Variants in PCDHGA11 observed in about 807,000 individuals in gnomAD.
PCDHGA11 encodes protocadherin gamma-A11.
PCDHGA11 carries 39 observed loss-of-function variants against 60.4 expected under a neutral mutation model. The ratio of observed to expected loss-of-function variants is 0.65; its 90% CI spans 0.50 to 0.84. PCDHGA11 has a LOEUF of 0.84. Among genes scored for constraint, PCDHGA11 ranks in the 40% least tolerant of loss-of-function variants. The probability of loss-of-function intolerance (pLI) is 0.00; values close to 1 mark genes in which losing one functional copy is unlikely to be tolerated. For synonymous variants in PCDHGA11, 533 were observed against 510.3 expected (o/e 1.04, Z -0.60); for missense variants, 1,165 against 1,197.7 (o/e 0.97, Z 0.40).
chr5:141,456,975 A>T (rs1240583336), intron 1 of PCDHGA11, among the ~76,000 whole-genome samples: 1 of 152,178 alleles, frequency 6.6e-6, no homozygotes, highest in East Asian at 1.9e-4. Flanking sequence ...AACAAAACAA[A>T]CAAACAAACA....
Position 141,487,910 on chromosome 5 carries a change from C to T in PCDHGA11, c.2434-6897C>T, listed in dbSNP as rs2099668803. The T allele has an allele frequency of 3.0e-6, 2 of 661,468 alleles. No individual in the cohort carries two copies. Among genetic ancestry groups the T allele is most frequent in the Non-Finnish European group, 5.1e-6 (2 of 388,904 alleles). The allele number at this position is 661,468 out of a possible 1,614,324, so 41.0% of individuals were successfully genotyped here. ...AGCATGATGATGGAATGTGGGAGCA[C>T]AGGAGGCTACAGTGCACAGGGTACA... On this transcript the variant is annotated intron_variant, in intron 1 of 3. Transcript: ENST00000398587. The surrounding 1 kb of genome is among the most constrained non-coding windows in gnomAD (Gnocchi z 5.0).
Position 141,476,698 on chromosome 5 carries a change from G to C in PCDHGA11, c.2434-18109G>C, listed in dbSNP as rs2075661. Reference sequence around the variant, plus strand: ...CGCGGGAGGACAGCACCAAGTACGCGGAGCTGGTGTTGGAGCGCGCCCTGG... The same window carrying C: ...CGCGGGAGGACAGCACCAAGTACGCCGAGCTGGTGTTGGAGCGCGCCCTGG... On this transcript the variant is annotated intron_variant, in intron 1 of 3. Transcript: ENST00000398587. The surrounding 1 kb of genome is among the most constrained non-coding windows in gnomAD (Gnocchi z 7.6). The C allele has an allele frequency of 0.2, 326,683 of 1,614,030 alleles. 35,085 individuals carry two copies. Among genetic ancestry groups the C allele is most frequent in the Admixed American group, 0.37 (22,021 of 59,992 alleles).
intron 2 of PCDHGA11, among the ~76,000 whole-genome samples, chr5:141,502,239 A>G (rs2099813426): frequency 6.6e-6 from 1 of 152,148 alleles, no homozygotes; most frequent in Admixed American, 6.5e-5. Flanking sequence ...GTGTTCTTTT[A>G]TCCTTTTTTT....
At chr5:141,502,978 G>T (rs1004984942) in intron 2 of PCDHGA11, among the ~76,000 whole-genome samples, 1 of 150,096 alleles carries the variant, frequency 6.7e-6, no homozygotes, top group Non-Finnish European at 1.5e-5. Context: ...CAAGTAGCTG[G>T]GATTACAGGC....
rs909255357 is a variant in PCDHGA11 at position 141,489,178 on chromosome 5, C to A, written c.2434-5629C>A. 5 of 1,234,744 alleles carry A rather than the reference C, an allele frequency of 4.0e-6. No individual in the cohort carries two copies. The highest frequency in any genetic ancestry group is 2.3e-5 in the Admixed American group (1 of 42,922). The allele number at this position is 1,234,744 out of a possible 1,614,324, so 76.5% of individuals were successfully genotyped here. Reference sequence around the variant, plus strand: ...GAGACTTCAGCTGCTGCATTCCAAGCCCTGGGTCTACCTTGGAGACAGGAC... The same window carrying A: ...GAGACTTCAGCTGCTGCATTCCAAGACCTGGGTCTACCTTGGAGACAGGAC... On this transcript the variant is annotated intron_variant, in intron 1 of 3. Transcript: ENST00000398587. This position sits in a 1 kb window ranked among gnomAD's most constrained non-coding sequence, Gnocchi z 4.5.
intron 1 of PCDHGA11, among the ~76,000 whole-genome samples, chr5:141,435,308 A>G (rs2097757210): frequency 6.6e-6 from 1 of 152,186 alleles, no homozygotes; most frequent in African/African-American, 2.4e-5. Flanking sequence ...GTTTTAAATC[A>G]TTCATGAACT....
rs778666303 is a variant in PCDHGA11 at position 141,421,619 on chromosome 5, C to T, written c.392C>T (p.Ala131Val). The change falls in exon 1 of 4, where the codon GCC becomes GTC. Residue 131 changes from alanine to valine, a missense_variant. Ala to Val is a moderately conservative substitution (Grantham distance 64). Coordinates refer to ENST00000398587, the MANE Select transcript of PCDHGA11 (RefSeq NM_018914.3). Reference sequence around the variant, plus strand: ...GAAATAATAGATATTAATGATAACGCCCCCAGCTTCCAGGAGGACGAAGTG... The same window carrying T: ...GAAATAATAGATATTAATGATAACGTCCCCAGCTTCCAGGAGGACGAAGTG... ...EVEIIDINDN[A>V]PSFQEDEVEI... 2 of 1,613,694 alleles carry T rather than the reference C, an allele frequency of 1.2e-6. No individual in the cohort carries two copies. Among genetic ancestry groups the T allele is most frequent in the South Asian group, 1.1e-5 (1 of 91,072 alleles).
chr5:141,474,703 C>A (rs2099353282), intron 1 of PCDHGA11, among the ~76,000 whole-genome samples: 1 of 152,188 alleles, frequency 6.6e-6, no homozygotes, highest in African/African-American at 2.4e-5. Flanking sequence ...GTTCAAGGTT[C>A]TATTATACTT....
At chr5:141,501,298 C>T (rs998006748) in intron 2 of PCDHGA11, among the ~76,000 whole-genome samples, 216 of 148,422 alleles carry the variant, frequency 1.5e-3, no homozygotes, top group Admixed American at 2.4e-3. Context: ...TATACACACA[C>T]ACACACACAC....
intron 1 of PCDHGA11, among the ~76,000 whole-genome samples, chr5:141,467,404 C>T (rs1032912609): frequency 1.3e-5 from 2 of 151,864 alleles, no homozygotes; most frequent in African/African-American, 4.8e-5. Context: ...AGTTAGAAAG[C>T]CTTTCCCCAC....
chr5:141,477,482 C>T lies in PCDHGA11; in HGVS notation c.2434-17325C>T, dbSNP rs1168724444. The T allele has an allele frequency of 6.2e-7, 1 of 1,614,118 alleles. No individual in the cohort carries two copies. Among genetic ancestry groups the T allele is most frequent in the Non-Finnish European group, 8.5e-7 (1 of 1,180,016 alleles). ...GTCCGACATCAATGACAACCCTCCA[C>T]AATCTTCTCAATCTTCCTACGACGT... is the stretch of plus-strand genomic sequence containing the variant. On this transcript the variant is annotated intron_variant, in intron 1 of 3. Coordinates refer to ENST00000398587, the MANE Select transcript of PCDHGA11 (RefSeq NM_018914.3). This position sits in a 1 kb window ranked among gnomAD's most constrained non-coding sequence, Gnocchi z 4.9.
intron 1 of PCDHGA11, chr5:141,428,255 G>A (rs2097128504): frequency 1.1e-6 from 1 of 875,462 alleles, no homozygotes; most frequent in Non-Finnish European, 1.8e-6. Context: ...CCAGACTTCA[G>A]TGACAGTCCT....
At chr5:141,469,629 C>T (rs933972587) in intron 1 of PCDHGA11, among the ~76,000 whole-genome samples, 1 of 152,070 alleles carries the variant, frequency 6.6e-6, no homozygotes, top group Admixed American at 6.6e-5. Context: ...GTTTGTAGTT[C>T]CAAAATATTT....
intron 2 of PCDHGA11, 58 bp downstream of exon 2, chr5:141,494,923 G>T: frequency 6.2e-7 from 1 of 1,613,698 alleles, no homozygotes; most frequent in Non-Finnish European, 8.5e-7. Context: ...CAGGGATGAC[G>T]TGGGAGGAGA....
At chr5:141,496,782 C>T (rs552953558) in intron 2 of PCDHGA11, among the ~76,000 whole-genome samples, 16 of 152,136 alleles carry the variant, frequency 1.1e-4, no homozygotes, top group South Asian at 2.1e-4. Context: ...TGAGCAGGGC[C>T]CTGTGCTAAA....
intron 1 of PCDHGA11, among the ~76,000 whole-genome samples, chr5:141,444,733 G>A (rs1464370133): frequency 6.6e-6 from 1 of 152,106 alleles, no homozygotes; most frequent in Non-Finnish European, 1.5e-5. Flanking sequence ...TTTGTTGAAA[G>A]TCATTTCACT....
intron 1 of PCDHGA11, among the ~76,000 whole-genome samples, chr5:141,436,478 A>G (rs1360229764): frequency 2.0e-5 from 3 of 152,220 alleles, no homozygotes; most frequent in Non-Finnish European, 4.4e-5. Context: ...TGTATCATAG[A>G]AGGATAGCAG....
intron 2 of PCDHGA11, among the ~76,000 whole-genome samples, chr5:141,500,324 T>G (rs1165047676): frequency 6.6e-6 from 1 of 151,994 alleles, no homozygotes; most frequent in African/African-American, 2.4e-5. Flanking sequence ...TGCTCCTGCC[T>G]CAGCCTCCAG....
chr5:141,444,001 C>G (rs2098413288), intron 1 of PCDHGA11, among the ~76,000 whole-genome samples: 1 of 151,914 alleles, frequency 6.6e-6, no homozygotes, highest in Non-Finnish European at 1.5e-5. Flanking sequence ...TTAAATGCTA[C>G]CTGGGTATTG....
Sources: allele counts gnomAD v4.1 joint callset (sites outside exome capture counted in the v4.1 genomes callset), GRCh38; gene constraint gnomAD v4.1.1; non-coding constraint Gnocchi (gnomAD v3.1); transcripts MANE v1.5; gene names NCBI Gene and HGNC (gene_info 2026-07-23, HGNC 2026-07-21).